TRA2A: variants seen among roughly 807,000 people sequenced by gnomAD.
TRA2A encodes the protein transformer-2 protein homolog alpha.
Under a neutral mutation model 45.7 loss-of-function variants are expected in TRA2A, and 31 were observed. The ratio of observed to expected loss-of-function variants is 0.68; its 90% CI spans 0.51 to 0.92. TRA2A has a LOEUF of 0.92. TRA2A is among the 40% of genes least tolerant of loss of function. The pLI is 0.00. For synonymous variants in TRA2A, 132 were observed against 126.2 expected (o/e 1.05, Z -0.31); for missense variants, 304 against 367.5 (o/e 0.83, Z 1.41).
intron 5 of TRA2A, among the ~76,000 whole-genome samples, chr7:23,506,998 C>T (rs1017583817): frequency 1.3e-5 from 2 of 152,080 alleles, no homozygotes; most frequent in African/African-American, 2.4e-5. Flanking sequence ...CTCGTGATCT[C>T]GTGATCCACC....
chr7:23,506,135 T>A lies in TRA2A; in HGVS notation c.770+3A>T. Reference sequence around the variant, plus strand: ...GAACAGAAAGCTCAAGTTAAAACATTACCTGTATCGGTAATCATAGTCTTC... The same window carrying A: ...GAACAGAAAGCTCAAGTTAAAACATAACCTGTATCGGTAATCATAGTCTTC... On this transcript the variant is annotated splice_donor_region_variant and intron_variant, in intron 6 of 7. Transcript: ENST00000297071. 6.2e-7 allele frequency: 1 copy of A among 1,603,394 alleles called. No homozygotes were observed. Among genetic ancestry groups the A allele is most frequent in the East Asian group, 2.2e-5 (1 of 44,758 alleles).
At chr7:23,505,843 C>A in intron 6 of TRA2A, 30 bp from the exon 7 acceptor site, 2 of 1,336,316 alleles carry the variant, frequency 1.5e-6, no homozygotes, top group South Asian at 1.5e-5. Context: ...ACTTAGCATA[C>A]TATATAATCA....
In TRA2A at chr7:23,506,118, A is replaced by G. The variant is rs1356140418; in HGVS notation, c.770+20T>C. On this transcript the variant is annotated intron_variant, in intron 6 of 7. Transcript: ENST00000297071. ...TACTATCATCTAATTTAGAACAGAA[A>G]GCTCAAGTTAAAACATTACCTGTAT... The G allele has an allele frequency of 1.3e-6, 2 of 1,587,782 alleles. No homozygotes were observed. Among genetic ancestry groups the G allele is most frequent in the Non-Finnish European group, 1.7e-6 (2 of 1,161,680 alleles).
At chr7:23,506,020 G>C (rs1789318378) in intron 6 of TRA2A, 118 bp downstream of exon 6, 2 of 920,042 alleles carry the variant, frequency 2.2e-6, no homozygotes, top group Non-Finnish European at 3.3e-6. Flanking sequence ...GCTCCCAAAG[G>C]CGTCATATAT....
chr7:23,519,314 A>C (rs1790029057), intron 2 of TRA2A, among the ~76,000 whole-genome samples: 1 of 152,196 alleles, frequency 6.6e-6, no homozygotes, highest in African/African-American at 2.4e-5. Context: ...GAATCACTTG[A>C]ACCAGAGAGG....
chr7:23,531,879 G>A lies in TRA2A; in HGVS notation c.-55C>T, dbSNP rs2128003044. ...AGAGACAAGTCTCGGCTCGAGGGCC[G>A]ATGGCCTAATTAACCCGCTGACTGG... On this transcript the variant is annotated 5_prime_UTR_variant, in exon 1 of 8. Transcript: ENST00000297071. 1.9e-6 allele frequency: 3 copies of A among 1,596,850 alleles called. No homozygotes were observed. The highest frequency in any genetic ancestry group is 2.6e-6 in the Non-Finnish European group (3 of 1,167,422).
chr7:23,527,523 T>C (rs1233424434), intron 1 of TRA2A, among the ~76,000 whole-genome samples: 1 of 152,228 alleles, frequency 6.6e-6, no homozygotes, highest in Non-Finnish European at 1.5e-5. Flanking sequence ...ACTGATACTA[T>C]CAAAGAAAGT....
chr7:23,525,356 T>C (rs954876813), intron 1 of TRA2A, among the ~76,000 whole-genome samples: 5 of 152,372 alleles, frequency 3.3e-5, no homozygotes, highest in East Asian at 3.9e-4. Context: ...CCTGTTTCAC[T>C]AGACTACTTG....
intron 4 of TRA2A, among the ~76,000 whole-genome samples, chr7:23,511,390 AAAAAAAAAAAAAAAAAAAAAG>A (rs1562789110): frequency 2.8e-4 from 12 of 43,562 alleles, no homozygotes; most frequent in African/African-American, 1.2e-3. Context: ...AAAAAAAAAA[AAAAAAAAAAAAAAAAAAAAAG>A]AAAAGAAAAG....
chr7:23,529,211 G>A (rs182346980), intron 1 of TRA2A, among the ~76,000 whole-genome samples: 347 of 152,220 alleles, frequency 2.3e-3, no homozygotes, highest in African/African-American at 8.1e-3. Context: ...CAAAGCCACC[G>A]CTTAAGTGCT....
intron 2 of TRA2A, among the ~76,000 whole-genome samples, chr7:23,517,722 G>A (rs893452377): frequency 4.6e-5 from 7 of 150,638 alleles, no homozygotes; most frequent in Admixed American, 1.3e-4. Context: ...GACCATCCTC[G>A]CCAACATGGT....
At position 23,507,548 on chromosome 7, in the gene TRA2A, G is replaced by A. The variant is rs1183910820; in HGVS notation, c.526-13C>T. On this transcript the variant is annotated splice_polypyrimidine_tract_variant and intron_variant, in intron 4 of 7. Transcript: ENST00000297071. ...CCCTTTCCATAGCCTATAAAGAACA[G>A]GCACAAAAAGTCACGTATAATTCAC... 2 of 1,581,144 alleles carry A rather than the reference G, an allele frequency of 1.3e-6. No homozygotes were observed. The highest frequency in any genetic ancestry group is 2.7e-5 in the African/African-American group (2 of 74,304).
intron 4 of TRA2A, among the ~76,000 whole-genome samples, chr7:23,509,046 T>A (rs745945387): frequency 2.6e-5 from 4 of 151,848 alleles, no homozygotes; most frequent in African/African-American, 4.8e-5. Flanking sequence ...AGTCTCCCTA[T>A]GTTTCCCCAG....
Position 23,531,974 on chromosome 7 carries a change from A to G in TRA2A, c.-150T>C. ...CCACTCCCACTCGGTCGCAGGCTCCAGCAAAATGGCGCCGGCGCCGCCAGA... is the reference window on the plus strand; with the variant it reads ...CCACTCCCACTCGGTCGCAGGCTCCGGCAAAATGGCGCCGGCGCCGCCAGA... On this transcript the variant is annotated 5_prime_UTR_variant, in exon 1 of 8. Coordinates refer to ENST00000297071, the MANE Select transcript of TRA2A (RefSeq NM_013293.5). 3 of 794,894 alleles carry G rather than the reference A, an allele frequency of 3.8e-6. No homozygotes were observed. Among genetic ancestry groups the G allele is most frequent in the South Asian group, 3.3e-5 (2 of 59,906 alleles). 49.2% of individuals were successfully genotyped at this position (794,894 alleles called of 1,614,324 possible). A position where few individuals can be genotyped will look rare whatever the true frequency, so the allele number is the denominator to read the frequency against.
At chr7:23,516,221 T>C (rs964371428) in intron 3 of TRA2A, 142 bp downstream of exon 3, 13 of 723,286 alleles carry the variant, frequency 1.8e-5, no homozygotes, top group Non-Finnish European at 2.5e-5. Flanking sequence ...TTCCTTTACT[T>C]TGAAAGCTAA....
intron 3 of TRA2A, among the ~76,000 whole-genome samples, chr7:23,513,934 T>TA (rs777992870): frequency 6.6e-6 from 1 of 152,096 alleles, no homozygotes; most frequent in East Asian, 1.9e-4. Context: ...AAAACACCTT[T>TA]AAATAAGGAA....
Position 23,516,525 on chromosome 7 carries a change from C to T in TRA2A, c.174G>A (p.Ser58=), listed in dbSNP as rs368082567. ...GTCTATGAGAATGTCTCCTTGACCT[C>T]GACCTTTGAGAGAAATACATTTAGG... ...SHSRSRSKSR[S]RSRRHSHRRY... Residue 58 remains serine, a synonymous_variant, in exon 3 of 8, where the codon TCG becomes TCA. Coordinates refer to ENST00000297071, the MANE Select transcript of TRA2A (RefSeq NM_013293.5). 122 of 1,613,496 alleles carry T rather than the reference C, an allele frequency of 7.6e-5. 1 individual carries two copies. The highest frequency in any genetic ancestry group is 6.6e-4 in the South Asian group (60 of 91,006).
intron 1 of TRA2A, among the ~76,000 whole-genome samples, chr7:23,527,013 T>C (rs1195405233): frequency 1.3e-5 from 2 of 152,148 alleles, no homozygotes; most frequent in Non-Finnish European, 2.9e-5. Context: ...ATAAGTCTCA[T>C]AGCTTATATA....
At chr7:23,517,211 G>A (rs1170628142) in intron 2 of TRA2A, among the ~76,000 whole-genome samples, 3 of 151,610 alleles carry the variant, frequency 2.0e-5, no homozygotes, top group East Asian at 1.9e-4. Context: ...GGCCGGGCAC[G>A]GTGGCTCATG....
Sources: gnomAD v4.1 joint callset for allele counts (sites outside exome capture counted in the v4.1 genomes callset) on GRCh38, gnomAD v4.1.1 for gene constraint, MANE v1.5 for transcripts, NCBI Gene and HGNC (gene_info 2026-07-23, HGNC 2026-07-21) for gene names.